The following NCALD variants were observed in gnomAD, a reference collection of about 807,000 sequenced individuals.
The protein encoded by NCALD is neurocalcin delta.
A neutral mutation model predicts 18.6 loss-of-function variants in NCALD; 10 were observed. That is an observed-to-expected ratio of 0.54 (90% CI 0.33 to 0.91). NCALD has a LOEUF of 0.91. Among genes scored for constraint, NCALD ranks in the 40% least tolerant of loss-of-function variants. NCALD has a pLI of 0.03. For missense variants in NCALD, 184 were observed against 247.6 expected (o/e 0.74, Z 1.72); for synonymous variants, 88 against 87.4 (o/e 1.01, Z -0.04).
intron 4 of NCALD, among the ~76,000 whole-genome samples, chr8:101,819,089 A>C (rs1813614113): frequency 6.6e-6 from 1 of 152,210 alleles, no homozygotes; most frequent in South Asian, 2.1e-4. Flanking sequence ...AATCCTAAAG[A>C]GAGTGATTAC....
intron 1 of NCALD, among the ~76,000 whole-genome samples, chr8:101,759,692 G>C (rs1397078015): frequency 6.6e-6 from 1 of 152,146 alleles, no homozygotes; most frequent in Non-Finnish European, 1.5e-5. Flanking sequence ...AAGAAGACCA[G>C]ACAAAATTAC....
chr8:101,952,109 G>A (rs1004615891), intron 2 of NCALD, among the ~76,000 whole-genome samples: 1 of 152,182 alleles, frequency 6.6e-6, no homozygotes, highest in South Asian at 2.1e-4. Flanking sequence ...TGCCGGGCAG[G>A]AGGGCAAGTG....
At chr8:102,029,234 G>T (rs148984298) in intron 1 of NCALD, 1 of 152,340 alleles carries the variant, frequency 6.6e-6, no homozygotes, top group East Asian at 1.9e-4. Context: ...CCATAGGAAA[G>T]ACAGGGAAAT....
chr8:101,750,226 C>T (rs1810597004), intron 1 of NCALD: 1 of 152,194 alleles, frequency 6.6e-6, no homozygotes, highest in South Asian at 2.1e-4. Flanking sequence ...ACCGGGTCCC[C>T]CCCCCATGAC....
intron 1 of NCALD, among the ~76,000 whole-genome samples, chr8:101,776,403 G>C (rs1325301213): frequency 6.6e-6 from 1 of 152,044 alleles, no homozygotes; most frequent in Non-Finnish European, 1.5e-5. Flanking sequence ...AAAATTACAA[G>C]ACTAATTTCA....
chr8:101,866,689 T>C (rs1230808657), intron 4 of NCALD, among the ~76,000 whole-genome samples: 2 of 152,190 alleles, frequency 1.3e-5, no homozygotes, highest in Admixed American at 6.5e-5. Flanking sequence ...AATCCTGTTA[T>C]ATGAACTATC....
chr8:102,080,508 G>A (rs557111389), intron 1 of NCALD, among the ~76,000 whole-genome samples: 5 of 152,288 alleles, frequency 3.3e-5, no homozygotes, highest in African/African-American at 9.6e-5. Context: ...TAGAACTTCA[G>A]GGGACCTCAA....
At chr8:101,722,849 A>C (rs1816420634) in intron 1 of NCALD, among the ~76,000 whole-genome samples, 1 of 152,252 alleles carries the variant, frequency 6.6e-6, no homozygotes, top group African/African-American at 2.4e-5. Context: ...GCATGGAATA[A>C]GTTATTGGGA....
intron 1 of NCALD, among the ~76,000 whole-genome samples, chr8:102,096,579 A>G (rs1436722436): frequency 6.6e-6 from 1 of 152,196 alleles, no homozygotes; most frequent in African/African-American, 2.4e-5. Flanking sequence ...GATTTTTGCA[A>G]CCAATCAGAC....
intron 2 of NCALD, among the ~76,000 whole-genome samples, chr8:101,931,924 C>T (rs1818589712): frequency 6.6e-6 from 1 of 152,092 alleles, no homozygotes; most frequent in Non-Finnish European, 1.5e-5. Context: ...GAGCCCATAT[C>T]TGTCTTACTC....
intron 1 of NCALD, among the ~76,000 whole-genome samples, chr8:102,110,037 A>C (rs900004457): frequency 2.0e-5 from 3 of 152,166 alleles, no homozygotes; most frequent in Admixed American, 6.5e-5. Flanking sequence ...TTGCATATAT[A>C]ATATTTCATC....
chr8:102,056,249 T>A (rs1010722198), intron 1 of NCALD, among the ~76,000 whole-genome samples: 2 of 152,182 alleles, frequency 1.3e-5, no homozygotes, highest in East Asian at 3.8e-4. Flanking sequence ...CTTATGTTTG[T>A]TTTTGCTTGT....
At chr8:102,016,049 C>T (rs1432770158) in intron 2 of NCALD, among the ~76,000 whole-genome samples, 4 of 152,128 alleles carry the variant, frequency 2.6e-5, no homozygotes, top group African/African-American at 4.8e-5. Flanking sequence ...AAGCTTTCAA[C>T]AACTGGTAGA....
chr8:102,117,647 A>T (rs1825829393), intron 1 of NCALD, among the ~76,000 whole-genome samples: 1 of 151,320 alleles, frequency 6.6e-6, no homozygotes, highest in Non-Finnish European at 1.5e-5. Context: ...CATCTTTTTC[A>T]TGTGTAGCAA....
At chr8:101,999,043 GA>G (rs1347589018) in intron 2 of NCALD, among the ~76,000 whole-genome samples, 1 of 114,790 alleles carries the variant, frequency 8.7e-6, no homozygotes. Context: ...AAATGAGGGG[GA>G]AAAAATCATA....
At chr8:102,065,959 T>C (rs926966125) in intron 1 of NCALD, among the ~76,000 whole-genome samples, 1 of 152,256 alleles carries the variant, frequency 6.6e-6, no homozygotes. Context: ...TATAACTATA[T>C]ATGGCTCTCA....
intron 2 of NCALD, chr8:101,693,324 T>TG (rs2129984432): frequency 1.1e-5 from 1 of 89,640 alleles, no homozygotes; most frequent in African/African-American, 4.0e-5. Context: ...GGGCGTTTTT[T>TG]TTTTTTTTTT....
chr8:102,085,377 G>A (rs1019856077), intron 1 of NCALD, among the ~76,000 whole-genome samples: 1 of 152,172 alleles, frequency 6.6e-6, no homozygotes, highest in South Asian at 2.1e-4. Context: ...TATCTATGCA[G>A]CATAAACAGT....
intron 2 of NCALD, among the ~76,000 whole-genome samples, chr8:101,927,278 CCCA>C (rs764372797): frequency 9.2e-5 from 14 of 152,148 alleles, no homozygotes; most frequent in Non-Finnish European, 1.9e-4. Flanking sequence ...CCAGGAGTGT[CCCA>C]CCAACAGAAG....
Sources: gnomAD v4.1 joint callset for allele counts (sites outside exome capture counted in the v4.1 genomes callset) on GRCh38, gnomAD v4.1.1 for gene constraint, MANE v1.5 for transcripts, NCBI Gene and HGNC (gene_info 2026-07-23, HGNC 2026-07-21) for gene names.